Variants in CGNL1 observed in about 807,000 individuals in gnomAD.
CGNL1 encodes the protein cingulin like 1.
Under a neutral mutation model 141.2 loss-of-function variants are expected in CGNL1, and 132 were observed. The ratio of observed to expected loss-of-function variants is 0.93; its 90% CI spans 0.81 to 1.08. The LOEUF (loss-of-function observed/expected upper bound fraction) is 1.08, where lower values mean the gene tolerates loss of function less well. Among genes scored for constraint, CGNL1 ranks in the 50% least tolerant of loss-of-function variants. CGNL1 has a pLI of 0.00. For missense variants in CGNL1, 1,870 were observed against 1,588.6 expected, an observed-to-expected ratio of 1.18 and a Z score of -3.01; for synonymous variants, 690 against 622.1, an observed-to-expected ratio of 1.11 and a Z score of -1.63.
At chr15:57,388,406 A>G (rs2152226450) in intron 1 of CGNL1, among the ~76,000 whole-genome samples, 1 of 152,264 alleles carries the variant, frequency 6.6e-6, no homozygotes, top group South Asian at 2.1e-4. Context: ...CGCACTGGTG[A>G]TTTGTAGAGG....
rs1429730835 is a variant in CGNL1 at position 57,490,234 on chromosome 15, A to G, written c.2404-26546A>G. ...CTGCTCCAACCTTGCTTTATCTTATATTAAATGGGGATACTGGATTTATGA... is the reference window on the plus strand; with the variant it reads ...CTGCTCCAACCTTGCTTTATCTTATGTTAAATGGGGATACTGGATTTATGA... On this transcript the variant is annotated intron_variant, in intron 8 of 18. Coordinates refer to ENST00000281282, the MANE Select transcript of CGNL1 (RefSeq NM_032866.5). Among the ~76,000 whole-genome samples the G allele has an allele frequency of 1.3e-5, 2 of 152,198 alleles. 1 individual carries two copies. Among genetic ancestry groups the G allele is most frequent in the Admixed American group, 1.3e-4 (2 of 15,284 alleles).
At chr15:57,407,644 T>A (rs1315767182) in intron 1 of CGNL1, among the ~76,000 whole-genome samples, 2 of 152,068 alleles carry the variant, frequency 1.3e-5, no homozygotes, top group Non-Finnish European at 2.9e-5. Context: ...CCACACTACT[T>A]TGGCCTGGGC....
chr15:57,454,808 G>A (rs1233373556), intron 7 of CGNL1, among the ~76,000 whole-genome samples: 5 of 152,002 alleles, frequency 3.3e-5, no homozygotes, highest in African/African-American at 1.2e-4. Context: ...TTCTCATGGT[G>A]CTGTTTTCTC....
At chr15:57,450,428 C>G (rs1465883056) in intron 4 of CGNL1, among the ~76,000 whole-genome samples, 1 of 152,140 alleles carries the variant, frequency 6.6e-6, no homozygotes, top group African/African-American at 2.4e-5. Context: ...AGACGTGTGC[C>G]ACTACGCCCG....
rs545347184 is a variant in CGNL1 at position 57,429,037 on chromosome 15, A to AT, written c.-15-8947dup. Among the ~76,000 whole-genome samples the AT allele has an allele frequency of 4.1e-3, 559 of 137,278 alleles. 16 individuals are homozygous for AT. The highest frequency in any genetic ancestry group is 1.2e-3 in the Non-Finnish European group (72 of 61,426). 90.1% of individuals were successfully genotyped at this position (137,278 alleles called of 152,430 possible). A position where few individuals can be genotyped will look rare whatever the true frequency, so the allele number is the denominator to read the frequency against. On this transcript the variant is annotated intron_variant, in intron 1 of 18. Transcript: ENST00000281282. ...GCTCCATCTCAAAACAACAACAGCA[A>AT]TAAAAAAAAAAAAAGTGCAGCTGCA...
chr15:57,409,088 C>G (rs965536825), intron 1 of CGNL1, among the ~76,000 whole-genome samples: 14 of 141,008 alleles, frequency 9.9e-5, no homozygotes, highest in Non-Finnish European at 2.2e-4. Context: ...CTTTTGACTT[C>G]CTACCCTCAG....
chr15:57,497,214 T>C (rs1275585901), intron 8 of CGNL1, among the ~76,000 whole-genome samples: 1 of 152,204 alleles, frequency 6.6e-6, no homozygotes, highest in Non-Finnish European at 1.5e-5. Flanking sequence ...AGTGACAGCG[T>C]TGGTCCAACA....
At chr15:57,397,946 C>T (rs1419672525) in intron 1 of CGNL1, among the ~76,000 whole-genome samples, 1 of 152,050 alleles carries the variant, frequency 6.6e-6, no homozygotes, top group African/African-American at 2.4e-5. Flanking sequence ...CCACACCATG[C>T]TAATTTTTGT....
rs1323433092 is a variant in CGNL1 at position 57,438,782 on chromosome 15, C to G, written c.783C>G (p.Ser261Arg). 2 of 1,614,148 alleles carry G rather than the reference C, an allele frequency of 1.2e-6. No homozygotes were observed. The highest frequency in any genetic ancestry group is 1.7e-6 in the Non-Finnish European group (2 of 1,180,018). ...FTSGRPLTAH[S>R]PHAHPETKKT... Reference sequence around the variant, plus strand: ...GCGGGAGGCCCCTGACTGCCCACAGCCCACATGCCCACCCTGAAACCAAGA... The same window carrying G: ...GCGGGAGGCCCCTGACTGCCCACAGGCCACATGCCCACCCTGAAACCAAGA... The change falls in exon 2 of 19, where the codon AGC becomes AGG. Residue 261 changes from serine to arginine, a missense_variant. Transcript: ENST00000281282.
At chr15:57,536,337 C>T (rs1269670588) in intron 14 of CGNL1, among the ~76,000 whole-genome samples, 1 of 152,128 alleles carries the variant, frequency 6.6e-6, no homozygotes, top group South Asian at 2.1e-4. Flanking sequence ...ATATCACAGC[C>T]TTTCTAAGGG....
rs778772962 is a variant in CGNL1 at position 57,416,912 on chromosome 15, A to G, written c.-15-21073A>G. On this transcript the variant is annotated intron_variant, in intron 1 of 18. Transcript: ENST00000281282. ...ACATCTATTCCAGAGTTCAGCTACA[A>G]TAGTAGCTGTTGTATAGCTGAACTC... Among the ~76,000 whole-genome samples the G allele has an allele frequency of 3.3e-5, 5 of 152,164 alleles. No individual in the cohort carries two copies. In the South Asian group the frequency reaches 8.3e-4, roughly 25 times the overall value.
intron 1 of CGNL1, among the ~76,000 whole-genome samples, chr15:57,406,342 A>G (rs2062722668): frequency 6.6e-6 from 1 of 152,174 alleles, no homozygotes; most frequent in South Asian, 2.1e-4. Flanking sequence ...TTCTGGGAAC[A>G]GCAAGGAGGC....
At chr15:57,459,781 G>A (rs1725984604) in intron 7 of CGNL1, among the ~76,000 whole-genome samples, 1 of 152,182 alleles carries the variant, frequency 6.6e-6, no homozygotes. Flanking sequence ...GAGCTTGAGT[G>A]CTGAGGGGGC....
Position 57,549,963 on chromosome 15 carries a change from T to A in CGNL1, c.*2473T>A, listed in dbSNP as rs1396506752. ...GGGGAAGGTCAGCACACCCAAGAAC[T>A]TTGGGAGTGTGTGTCTGTTTTGGTT... On this transcript the variant is annotated 3_prime_UTR_variant, in exon 19 of 19. Transcript: ENST00000281282. 6.6e-6 allele frequency: 1 copy of A among 152,172 alleles called. No homozygotes were observed. Among genetic ancestry groups the A allele is most frequent in the Non-Finnish European group, 1.5e-5 (1 of 68,028 alleles). The allele number at this position is 152,172 out of a possible 1,614,324, so 9.4% of individuals were successfully genotyped here. A position where few individuals can be genotyped will look rare whatever the true frequency, so the allele number is the denominator to read the frequency against.
chr15:57,530,829 C>T (rs1292471637), intron 13 of CGNL1, among the ~76,000 whole-genome samples: 1 of 152,192 alleles, frequency 6.6e-6, no homozygotes, highest in African/African-American at 2.4e-5. Context: ...GTGCCCATTG[C>T]TTGTCAATCC....
rs2032127814 is a variant in CGNL1, at chr15:57,534,288, G to GT, written c.3291+2511dup. On this transcript the variant is annotated intron_variant, in intron 14 of 18. Transcript: ENST00000281282. ...ATAGGGAGGGTATAGCCTGGTGTTTGTTATAAGTGGAGAAATTGAGCACAT... is the reference window on the plus strand; with the variant it reads ...ATAGGGAGGGTATAGCCTGGTGTTTGTTTATAAGTGGAGAAATTGAGCACAT... Among the ~76,000 whole-genome samples, 3 of 152,308 alleles carry GT rather than the reference G, an allele frequency of 2.0e-5. No homozygotes were observed. The South Asian group carries it at 6.2e-4, about 32-fold the overall frequency.
intron 6 of CGNL1, 103 bp downstream of exon 6, chr15:57,452,392 TA>T: frequency 4.7e-6 from 5 of 1,058,308 alleles, no homozygotes; most frequent in Non-Finnish European, 6.7e-6. Context: ...CAAATATTTA[TA>T]AAGGCAGCTG....
intron 1 of CGNL1, among the ~76,000 whole-genome samples, chr15:57,391,299 G>A (rs1264107583): frequency 2.0e-5 from 3 of 152,246 alleles, no homozygotes; most frequent in South Asian, 2.1e-4. Context: ...CATAAGGGAT[G>A]ACATAGGCGA....
intron 14 of CGNL1, among the ~76,000 whole-genome samples, chr15:57,539,386 C>T (rs1402040317): frequency 6.6e-6 from 1 of 152,116 alleles, no homozygotes. Flanking sequence ...CCTCCACTTG[C>T]TGGGTGGCTG....
Sources: gnomAD v4.1 joint callset for allele counts (sites outside exome capture counted in the v4.1 genomes callset) on GRCh38, gnomAD v4.1.1 for gene constraint, MANE v1.5 for transcripts, NCBI Gene and HGNC (gene_info 2026-07-23, HGNC 2026-07-21) for gene names.